Variants in KCNC2 observed in about 807,000 individuals in gnomAD.
KCNC2 encodes the protein voltage-gated potassium channel KCNC2.
Under a neutral mutation model 44.5 loss-of-function variants are expected in KCNC2, and 21 were observed. The ratio of observed to expected loss-of-function variants is 0.47; its 90% CI spans 0.33 to 0.68. KCNC2 has a LOEUF of 0.68. KCNC2 is among the 30% of genes least tolerant of loss of function. The pLI, the probability that KCNC2 is intolerant of heterozygous loss-of-function variation, is 0.01. For missense variants in KCNC2, 589 were observed against 826.2 expected (o/e 0.71, Z 3.52); for synonymous variants, 391 against 339.1 (o/e 1.15, Z -1.68).
At chr12:75,085,612 T>C (rs1278288544) in intron 2 of KCNC2, among the ~76,000 whole-genome samples, 2 of 152,040 alleles carry the variant, frequency 1.3e-5, no homozygotes, top group Admixed American at 1.3e-4. Flanking sequence ...CTGACATATT[T>C]GAAAGCTCCA....
chr12:75,081,020 C>T (rs1884449334), intron 2 of KCNC2, among the ~76,000 whole-genome samples: 1 of 152,094 alleles, frequency 6.6e-6, no homozygotes, highest in Non-Finnish European at 1.5e-5. Flanking sequence ...GTAATATATG[C>T]TAGCCGAGGA....
At position 75,153,431 on chromosome 12, in the gene KCNC2, A is replaced by G. The variant is rs1890543095; in HGVS notation, c.687+53866T>C. Among the ~76,000 whole-genome samples the G allele has an allele frequency of 4.0e-5, 6 of 151,880 alleles. No individual in the cohort carries two copies. The South Asian group carries it at 1.2e-3, about 31-fold the overall frequency. ...AGCTAAATAATGTGTACACATGGAT[A>G]GAGAGAGTGGAATAGCAGACATAGG... On this transcript the variant is annotated intron_variant, in intron 2 of 4. Transcript: ENST00000549446.
intron 2 of KCNC2, among the ~76,000 whole-genome samples, chr12:75,113,568 AT>A: frequency 6.6e-6 from 1 of 152,214 alleles, no homozygotes; most frequent in East Asian, 1.9e-4. Context: ...GCCTGTTAAC[AT>A]GCCCATTCTG....
intron 2 of KCNC2, among the ~76,000 whole-genome samples, chr12:75,195,675 A>G (rs993053300): frequency 1.3e-5 from 2 of 152,062 alleles, no homozygotes; most frequent in Non-Finnish European, 1.5e-5. Flanking sequence ...TGTTACTTCA[A>G]TAACACACTA....
At chr12:75,068,408 A>C (rs1252464677) in intron 2 of KCNC2, among the ~76,000 whole-genome samples, 1 of 152,234 alleles carries the variant, frequency 6.6e-6, no homozygotes, top group Non-Finnish European at 1.5e-5. Flanking sequence ...AAGCAGTGGC[A>C]GCAGCCATCA....
chr12:75,138,979 T>TAAAAAAAAAAAAAAA (rs373729570), intron 2 of KCNC2, among the ~76,000 whole-genome samples: 35 of 77,926 alleles, frequency 4.5e-4, no homozygotes, highest in African/African-American at 1.3e-3. Flanking sequence ...AGACTCCGTG[T>TAAAAAAAAAAAAAAA]AAAAAAAAAA....
chr12:75,093,221 A>T (rs891640896), intron 2 of KCNC2, among the ~76,000 whole-genome samples: 1 of 151,700 alleles, frequency 6.6e-6, no homozygotes, highest in African/African-American at 2.4e-5. Flanking sequence ...CAATTCATAA[A>T]GTAGATTAAA....
intron 2 of KCNC2, among the ~76,000 whole-genome samples, chr12:75,171,438 A>C (rs1307977343): frequency 1.3e-5 from 2 of 151,878 alleles, no homozygotes; most frequent in African/African-American, 4.8e-5. Context: ...GTAATTGCAA[A>C]TCATGCTTTT....
chr12:75,135,225 C>A (rs1029628603), intron 2 of KCNC2, among the ~76,000 whole-genome samples: 2 of 151,526 alleles, frequency 1.3e-5, no homozygotes, highest in African/African-American at 4.8e-5. Context: ...AGGCAACATT[C>A]CAAGTGCTTG....
intron 2 of KCNC2, among the ~76,000 whole-genome samples, chr12:75,115,793 T>C (rs965428821): frequency 6.6e-6 from 1 of 152,164 alleles, no homozygotes; most frequent in African/African-American, 2.4e-5. Context: ...AACAAAATTA[T>C]TTAAGAAACA....
At chr12:75,064,411 C>G (rs1040219612) in intron 2 of KCNC2, among the ~76,000 whole-genome samples, 1 of 151,918 alleles carries the variant, frequency 6.6e-6, no homozygotes, top group African/African-American at 2.4e-5. Flanking sequence ...ATACAGTGTT[C>G]TAATTTTTCT....
intron 2 of KCNC2, among the ~76,000 whole-genome samples, chr12:75,140,655 A>C (rs1328033412): frequency 6.6e-6 from 1 of 152,128 alleles, no homozygotes; most frequent in Admixed American, 6.6e-5. Context: ...TAAATGGAAA[A>C]ACCAAAACGC....
At chr12:75,083,445 G>C (rs558090851) in intron 2 of KCNC2, among the ~76,000 whole-genome samples, 1 of 151,932 alleles carries the variant, frequency 6.6e-6, no homozygotes, top group South Asian at 2.1e-4. Flanking sequence ...GAAACCAATG[G>C]GGGTGCATAT....
chr12:75,205,416 C>G (rs1223822517), intron 2 of KCNC2, among the ~76,000 whole-genome samples: 4 of 152,096 alleles, frequency 2.6e-5, no homozygotes, highest in Admixed American at 6.5e-5. Flanking sequence ...AAAACAGATG[C>G]AGATCAAAGT....
At chr12:75,087,668 C>T (rs1242825894) in intron 2 of KCNC2, among the ~76,000 whole-genome samples, 3 of 151,980 alleles carry the variant, frequency 2.0e-5, no homozygotes, top group Non-Finnish European at 4.4e-5. Context: ...GCCTACACTG[C>T]TAGTTAATTT....
chr12:75,183,734 A>T lies in KCNC2; in HGVS notation c.687+23563T>A. On this transcript the variant is annotated intron_variant, in intron 2 of 4. Transcript: ENST00000549446. ...CAAGTTTCCTCTGAAATGGTCCCAC[A>T]TCTTTAACAATAAAAATCTGTTTTA... Among the ~76,000 whole-genome samples the T allele has an allele frequency of 1.3e-5, 2 of 152,218 alleles. 1 individual carries two copies. Among genetic ancestry groups the T allele is most frequent in the Non-Finnish European group, 2.9e-5 (2 of 68,036 alleles).
At chr12:75,172,481 TA>T (rs1475351147) in intron 2 of KCNC2, among the ~76,000 whole-genome samples, 2 of 151,258 alleles carry the variant, frequency 1.3e-5, no homozygotes, top group Non-Finnish European at 3.0e-5. Context: ...ACCCTCAACT[TA>T]AAAGTTGAAG....
At chr12:75,065,630 AACATGTTGTAC>A (rs1882756011) in intron 2 of KCNC2, among the ~76,000 whole-genome samples, 1 of 152,108 alleles carries the variant, frequency 6.6e-6, no homozygotes, top group Admixed American at 6.6e-5. Flanking sequence ...TCAATACAAT[AACATGTTGTAC>A]AGGTTTGTAG....
intron 2 of KCNC2, among the ~76,000 whole-genome samples, chr12:75,155,600 T>A: frequency 6.6e-6 from 1 of 151,776 alleles, no homozygotes; most frequent in East Asian, 1.9e-4. Context: ...TAATATCTAA[T>A]CTCTATTAGA....
Sources: gnomAD v4.1 joint callset for allele counts (sites outside exome capture counted in the v4.1 genomes callset) on GRCh38, gnomAD v4.1.1 for gene constraint, MANE v1.5 for transcripts, NCBI Gene and HGNC (gene_info 2026-07-23, HGNC 2026-07-21) for gene names.